JAKMIP3: variants seen among roughly 807,000 people sequenced by gnomAD.
JAKMIP3 encodes the protein Janus kinase and microtubule interacting protein 3, also known as janus kinase and microtubule-interacting protein 3.
In JAKMIP3, 58 loss-of-function variants were observed where a neutral mutation model predicts 118.5. The ratio of observed to expected loss-of-function variants is 0.49; its 90% confidence interval spans 0.40 to 0.61. JAKMIP3 has a LOEUF of 0.61. Ranked by LOEUF, JAKMIP3 falls within the 20% of genes least tolerant of loss-of-function variation. The pLI, the probability that JAKMIP3 is intolerant of heterozygous loss-of-function variation, is 0.00. For synonymous variants in JAKMIP3, 486 were observed against 451.2 expected, an observed-to-expected ratio of 1.08 and a Z score of -0.98; for missense variants, 950 against 1,109.0, an observed-to-expected ratio of 0.86 and a Z score of 2.04.
chr10:132,139,377 AGTAT>A (rs1252955870), intron 9 of JAKMIP3, among the ~76,000 whole-genome samples: 14 of 11,240 alleles, frequency 1.2e-3, no homozygotes, highest in African/African-American at 8.7e-3. Flanking sequence ...TACGTGTGTG[AGTAT>A]GTGAGTGTAT....
chr10:132,139,370 G>A (rs910890794), intron 9 of JAKMIP3, among the ~76,000 whole-genome samples: 7 of 95,770 alleles, frequency 7.3e-5, no homozygotes, highest in African/African-American at 3.0e-4. Context: ...GCGTCTGTAC[G>A]TGTGTGAGTA....
chr10:132,138,436 C>T (rs1036586444), intron 9 of JAKMIP3, among the ~76,000 whole-genome samples: 2 of 149,170 alleles, frequency 1.3e-5, no homozygotes, highest in African/African-American at 2.5e-5. Context: ...ATGTGGAGGG[C>T]GCTGGGTGTG....
At chr10:132,135,659 C>T (rs1353676105) in intron 5 of JAKMIP3, among the ~76,000 whole-genome samples, 10 of 152,236 alleles carry the variant, frequency 6.6e-5, no homozygotes, top group Admixed American at 1.3e-4. Context: ...CCCCCGGGGA[C>T]GCCGAGCCCA....
At chr10:132,051,160 G>T (rs1269803043) in intron 1 of JAKMIP3, among the ~76,000 whole-genome samples, 2 of 147,938 alleles carry the variant, frequency 1.4e-5, no homozygotes, top group African/African-American at 5.0e-5. Context: ...GGTTGGTCTT[G>T]TTAATTCCAG....
intron 4 of JAKMIP3, 67 bp from the exon 5 acceptor site, chr10:132,134,974 T>G: frequency 6.3e-7 from 1 of 1,586,820 alleles, no homozygotes. Context: ...CGTAGCGTGC[T>G]GGGATTTGCA....
At chr10:132,058,758 C>T (rs774771389) in intron 1 of JAKMIP3, among the ~76,000 whole-genome samples, 9 of 152,204 alleles carry the variant, frequency 5.9e-5, no homozygotes, top group African/African-American at 1.2e-4. Context: ...AGATGCTTCT[C>T]GACAGACGAG....
At chr10:132,139,076 A>AGTGCGTGTATGTG (rs1589916097) in intron 9 of JAKMIP3, among the ~76,000 whole-genome samples, 2 of 119,036 alleles carry the variant, frequency 1.7e-5, no homozygotes, top group East Asian at 5.6e-4. Flanking sequence ...GTGTATGTGT[A>AGTGCGTGTATGTG]TGTGTGTGTG....
At chr10:132,145,327 C>A in intron 12 of JAKMIP3, 137 bp downstream of exon 12, 1 of 897,560 alleles carries the variant, frequency 1.1e-6, no homozygotes, top group Non-Finnish European at 1.7e-6. Context: ...CATCCTCCCA[C>A]CTCAGCCTCC....
intron 22 of JAKMIP3, 142 bp from the exon 23 acceptor site, chr10:132,167,811 C>G (rs558260676): frequency 2.9e-6 from 1 of 347,916 alleles, no homozygotes; most frequent in South Asian, 2.3e-5. Flanking sequence ...GTCCTCACCC[C>G]TCACCCCTCG....
rs558101691 is a variant in JAKMIP3 at position 132,131,772 on chromosome 10, A to C, written c.634-1540A>C. ...TGTCCTGGGAGCCCTCTCAGTCCGGAACCCGCTGGGAGGGCTCTTCCCCCG... is the reference window on the plus strand; with the variant it reads ...TGTCCTGGGAGCCCTCTCAGTCCGGCACCCGCTGGGAGGGCTCTTCCCCCG... On this transcript the variant is annotated intron_variant, in intron 3 of 23. Coordinates refer to ENST00000684848, the MANE Select transcript of JAKMIP3 (RefSeq NM_001323087.2). 1.2e-3 allele frequency among the ~76,000 whole-genome samples: 183 copies of C among 152,018 alleles called. 1 individual carries two copies. Among genetic ancestry groups the C allele is most frequent in the Non-Finnish European group, 1.9e-3 (132 of 67,962 alleles).
intron 23 of JAKMIP3, among the ~76,000 whole-genome samples, chr10:132,170,924 A>G (rs543770509): frequency 2.6e-5 from 4 of 152,306 alleles, no homozygotes; most frequent in East Asian, 1.9e-4. Flanking sequence ...GTGTGAGTCA[A>G]TTGGCCCCAA....
chr10:132,143,558 AATGTCATTT>A (rs1240573362), intron 11 of JAKMIP3, among the ~76,000 whole-genome samples: 1 of 152,236 alleles, frequency 6.6e-6, no homozygotes, highest in African/African-American at 2.4e-5. Context: ...AAAAAAGTTT[AATGTCATTT>A]AGAATCAGAG....
chr10:132,140,481 G>C lies in JAKMIP3; in HGVS notation c.1375G>C (p.Asp459His). The change falls in exon 10 of 24, where the codon GAC becomes CAC. Residue 459 changes from aspartate (D) to histidine (H), a missense_variant. Physicochemically the swap from Asp to His is moderately conservative, Grantham distance 81. Coordinates refer to ENST00000684848, the MANE Select transcript of JAKMIP3 (RefSeq NM_001323087.2). ...GGTTGTGGAGACCTTCTTTGGATAC[G>C]ACGAAGAGGCTTCCCTGGAATCCGA... ...PVVVETFFGYDEEASLESDGS... is the reference protein window; with the variant it reads ...PVVVETFFGYHEEASLESDGS... The C allele has an allele frequency of 1.2e-6, 2 of 1,613,882 alleles. No homozygotes were observed. Among genetic ancestry groups the C allele is most frequent in the Non-Finnish European group, 1.7e-6 (2 of 1,179,860 alleles).
Position 132,135,067 on chromosome 10 carries a change from C to G in JAKMIP3, c.876C>G (p.Ala292=). ...SPEQQLDEKD[A]RRFQLKIAEL... is the part of the protein sequence containing the mutation. The stretch of plus-strand genomic sequence containing the variant: ...AACAGCAGTTGGATGAAAAAGATGC[C>G]CGGCGCTTCCAGCTTAAAATCGCGG... Residue 292 remains alanine (A), a synonymous_variant, in exon 5 of 24, where the codon GCC becomes GCG. Coordinates refer to ENST00000684848, the MANE Select transcript of JAKMIP3 (RefSeq NM_001323087.2). 1 of 1,613,596 alleles carries G rather than the reference C, an allele frequency of 6.2e-7. No individual in the cohort carries two copies. Among genetic ancestry groups the G allele is most frequent in the South Asian group, 1.1e-5 (1 of 91,074 alleles).
intron 1 of JAKMIP3, among the ~76,000 whole-genome samples, chr10:132,093,311 A>C (rs1299969961): frequency 6.6e-6 from 1 of 152,200 alleles, no homozygotes; most frequent in East Asian, 1.9e-4. Flanking sequence ...GGGACGTTTA[A>C]GTCTGCAGAG....
intron 19 of JAKMIP3, among the ~76,000 whole-genome samples, chr10:132,161,524 C>T (rs78227033): frequency 3.5e-3 from 100 of 28,794 alleles, no homozygotes; most frequent in African/African-American, 0.011. Context: ...TGCTGGGGGG[C>T]CTCTCCCTGT....
chr10:132,159,757 C>G (rs1483402102), intron 19 of JAKMIP3, among the ~76,000 whole-genome samples: 7 of 46,154 alleles, frequency 1.5e-4, no homozygotes, highest in Admixed American at 3.5e-4. Flanking sequence ...GGGGCCTCTT[C>G]CTGTGTGATA....
intron 12 of JAKMIP3, 95 bp from the exon 13 acceptor site, chr10:132,145,423 A>G: frequency 1.1e-5 from 14 of 1,237,158 alleles, no homozygotes; most frequent in Middle Eastern, 2.6e-4. Context: ...CACGCTGGCC[A>G]GACTGGTCTT....
In JAKMIP3 at chr10:132,135,173, G is replaced by A. The variant is rs751474448; in HGVS notation, c.969+13G>A. 69 of 1,590,318 alleles carry A rather than the reference G, an allele frequency of 4.3e-5. No homozygotes were observed. The highest frequency in any genetic ancestry group is 5.4e-5 in the African/African-American group (4 of 74,566). On this transcript the variant is annotated intron_variant, in intron 5 of 23. Coordinates refer to ENST00000684848, the MANE Select transcript of JAKMIP3 (RefSeq NM_001323087.2). ...GAGGAATGAGCTGGTGAGCGCGGGC[G>A]GGGGCTTCTGGCTCCTGGGGGTTTG...
Sources: gnomAD v4.1 joint callset for allele counts (sites outside exome capture counted in the v4.1 genomes callset) on GRCh38, gnomAD v4.1.1 for gene constraint, MANE v1.5 for transcripts, NCBI Gene and HGNC (gene_info 2026-07-23, HGNC 2026-07-21) for gene names.